The following SP110 variants were observed in gnomAD, a reference collection of about 807,000 sequenced individuals.
SP110 encodes SP110 nuclear body protein.
Under a neutral mutation model 92.7 loss-of-function variants are expected in SP110, and 62 were observed. The ratio of observed to expected loss-of-function variants is 0.67; its 90% CI spans 0.55 to 0.83. The LOEUF is 0.83. Among genes scored for constraint, SP110 ranks in the 40% least tolerant of loss-of-function variants. The pLI is 0.00. For synonymous variants in SP110, 273 were observed against 305.3 expected (o/e 0.89, Z 1.10); for missense variants, 793 against 863.9 (o/e 0.92, Z 1.03).
chr2:230,172,746 G>A, intron 15 of SP110, 98 bp downstream of exon 15: 1 of 781,016 alleles, frequency 1.3e-6, no homozygotes, highest in South Asian at 1.5e-5. Flanking sequence ...GCACCAGACT[G>A]CTCTGCGTCA....
At chr2:230,196,774 T>C (rs2042896262) in intron 10 of SP110, among the ~76,000 whole-genome samples, 2 of 151,324 alleles carry the variant, frequency 1.3e-5, no homozygotes, top group African/African-American at 4.9e-5. Flanking sequence ...TTCCCACCTA[T>C]GAGTGAGAAC....
At chr2:230,201,754 T>C (rs2043203631) in intron 9 of SP110, among the ~76,000 whole-genome samples, 1 of 152,210 alleles carries the variant, frequency 6.6e-6, no homozygotes, top group Admixed American at 6.5e-5. Flanking sequence ...AATCTTGCAT[T>C]AGTAGAAGGT....
intron 15 of SP110, chr2:230,172,397 A>G: frequency 1.7e-6 from 1 of 603,606 alleles, no homozygotes; most frequent in Non-Finnish European, 3.0e-6. Context: ...GTCACTGTTA[A>G]GTGTGGGCTC....
At chr2:230,201,700 T>C (rs1361503372) in intron 9 of SP110, among the ~76,000 whole-genome samples, 1 of 152,238 alleles carries the variant, frequency 6.6e-6, no homozygotes, top group Non-Finnish European at 1.5e-5. Flanking sequence ...AAGCTCACTG[T>C]ATAATTCCAA....
chr2:230,192,082 C>A (rs2042658704), intron 10 of SP110, among the ~76,000 whole-genome samples: 1 of 152,086 alleles, frequency 6.6e-6, no homozygotes, highest in African/African-American at 2.4e-5. Flanking sequence ...TAAAATTCTA[C>A]ATCCCTTCAT....
chr2:230,193,970 C>T (rs770029233), intron 10 of SP110, among the ~76,000 whole-genome samples: 4 of 152,124 alleles, frequency 2.6e-5, no homozygotes, highest in Non-Finnish European at 4.4e-5. Context: ...TCCTATAAGT[C>T]ATTGGTAGTG....
In SP110 at chr2:230,172,095, CCAGGGTCTTAGATA is replaced by C; in HGVS notation, c.1772_1785del (p.Val591GlyfsTer13). The C allele has an allele frequency of 6.2e-7, 1 of 1,612,602 alleles. No homozygotes were observed. Among genetic ancestry groups the C allele is most frequent in the African/African-American group, 1.3e-5 (1 of 75,036 alleles). Reference sequence around the variant, plus strand: ...TGGTCCTGAGGCTGCATCTGCCTCTCCAGGGTCTTAGATACATGATGGCACTGTTGGCTTCCTGA... The same window carrying C: ...TGGTCCTGAGGCTGCATCTGCCTCTCCATGATGGCACTGTTGGCTTCCTGA... On this transcript the variant is annotated frameshift_variant, in exon 16 of 19. Coordinates refer to ENST00000258381, the MANE Select transcript of SP110 (RefSeq NM_080424.4). LOFTEE classifies it high-confidence loss of function.
chr2:230,207,880 T>C, intron 8 of SP110, 111 bp downstream of exon 8: 1 of 691,410 alleles, frequency 1.4e-6, no homozygotes, highest in Non-Finnish European at 2.6e-6. Flanking sequence ...CTAAATCTCT[T>C]CAATGGCTTC....
chr2:230,171,784 G>A lies in SP110; in HGVS notation c.1816-17C>T, dbSNP rs200559217. On this transcript the variant is annotated splice_polypyrimidine_tract_variant and intron_variant, in intron 16 of 18. Coordinates refer to ENST00000258381, the MANE Select transcript of SP110 (RefSeq NM_080424.4). ...CTCACATTTCTGTAAAATGTGAAGA[G>A]GGCTTGAAAGTGAAATGCAGCTTAG... 4.4e-6 allele frequency: 7 copies of A among 1,590,826 alleles called. No individual in the cohort carries two copies. The highest frequency in any genetic ancestry group is 6.0e-6 in the Non-Finnish European group (7 of 1,158,822).
At chr2:230,199,213 T>TC (rs1179118482) in intron 10 of SP110, among the ~76,000 whole-genome samples, 1 of 139,698 alleles carries the variant, frequency 7.2e-6, no homozygotes, top group African/African-American at 2.7e-5. Flanking sequence ...CTCTTTTTTT[T>TC]TTTTTTTTTT....
intron 12 of SP110, among the ~76,000 whole-genome samples, chr2:230,178,493 G>A (rs963444520): frequency 6.6e-6 from 1 of 151,942 alleles, no homozygotes; most frequent in Non-Finnish European, 1.5e-5. Context: ...GAACATATAG[G>A]GCATCTTCAG....
chr2:230,200,084 C>A (rs2043063801), intron 10 of SP110, among the ~76,000 whole-genome samples: 1 of 152,094 alleles, frequency 6.6e-6, no homozygotes, highest in South Asian at 2.1e-4. Context: ...TGAAATACTA[C>A]TAGATAAGCC....
Position 230,167,312 on chromosome 2 carries a change from A to G in SP110, c.*1812T>C, listed in dbSNP as rs1163421851. The G allele has an allele frequency of 1.4e-5, 2 of 140,480 alleles. No homozygotes were observed. Among genetic ancestry groups the G allele is most frequent in the Non-Finnish European group, 3.0e-5 (2 of 66,066 alleles). The allele number at this position is 140,480 out of a possible 1,614,324, so 8.7% of individuals were successfully genotyped here. A position where few individuals can be genotyped will look rare whatever the true frequency, so the allele number is the denominator to read the frequency against. On this transcript the variant is annotated 3_prime_UTR_variant, in exon 19 of 19. Coordinates refer to ENST00000258381, the MANE Select transcript of SP110 (RefSeq NM_080424.4). The stretch of plus-strand genomic sequence containing the variant: ...TTTTTTGTAGAGATGAGGTTTTGCC[A>G]TGTTACCCAGGCTGGTCTTCAACTC...
chr2:230,206,840 T>C (rs1304307112), intron 8 of SP110, among the ~76,000 whole-genome samples: 1 of 152,014 alleles, frequency 6.6e-6, no homozygotes, highest in African/African-American at 2.4e-5. Flanking sequence ...GCTATTTTTC[T>C]AGTTAATTAC....
At chr2:230,193,438 GT>G (rs1311025671) in intron 10 of SP110, among the ~76,000 whole-genome samples, 1 of 152,134 alleles carries the variant, frequency 6.6e-6, no homozygotes, top group Non-Finnish European at 1.5e-5. Flanking sequence ...TTGTGTTATT[GT>G]TTTATAGACC....
intron 14 of SP110, chr2:230,173,907 C>A (rs936450537): frequency 6.6e-6 from 1 of 152,310 alleles, no homozygotes; most frequent in East Asian, 1.9e-4. Context: ...CACAATAGAC[C>A]GTTATCTGGC....
intron 3 of SP110, 83 bp downstream of exon 3, chr2:230,214,867 A>C: frequency 8.6e-7 from 1 of 1,161,746 alleles, no homozygotes; most frequent in Non-Finnish European, 1.3e-6. Context: ...ATTAACGTGC[A>C]TATTCCACAG....
intron 12 of SP110, 67 bp downstream of exon 12, chr2:230,183,505 G>T: frequency 9.9e-7 from 1 of 1,005,198 alleles, no homozygotes; most frequent in Non-Finnish European, 1.6e-6. Flanking sequence ...GAGGGCGGGT[G>T]GAGCTTCCAG....
intron 14 of SP110, 47 bp from the exon 15 acceptor site, chr2:230,173,006 C>A: frequency 8.1e-7 from 1 of 1,232,810 alleles, no homozygotes; most frequent in Non-Finnish European, 1.2e-6. Flanking sequence ...TGGAGACCCA[C>A]GAATGCTGAC....
Sources: gnomAD v4.1 joint callset for allele counts (sites outside exome capture counted in the v4.1 genomes callset) on GRCh38, gnomAD v4.1.1 for gene constraint, MANE v1.5 for transcripts, NCBI Gene and HGNC (gene_info 2026-07-23, HGNC 2026-07-21) for gene names.